Variants in KLHL1 observed in about 807,000 individuals in gnomAD.
The protein encoded by KLHL1 is kelch-like protein 1.
KLHL1 carries 47 observed loss-of-function variants against 77.7 expected under a neutral mutation model. That is an observed-to-expected ratio of 0.60 (90% confidence interval 0.48 to 0.77). The LOEUF (loss-of-function observed/expected upper bound fraction) is 0.77. KLHL1 is among the 30% of genes least tolerant of loss of function. KLHL1 has a pLI of 0.00. For missense variants in KLHL1, 925 were observed against 910.8 expected (o/e 1.02, Z -0.20); for synonymous variants, 360 against 325.2 (o/e 1.11, Z -1.15).
At chr13:69,836,489 C>T (rs904205533) in intron 6 of KLHL1, among the ~76,000 whole-genome samples, 2 of 151,990 alleles carry the variant, frequency 1.3e-5, no homozygotes, top group East Asian at 3.9e-4. Context: ...CAGGGCTCAC[C>T]AAGAATGAGT....
At chr13:70,054,573 T>C (rs1255108518) in intron 1 of KLHL1, among the ~76,000 whole-genome samples, 3 of 152,172 alleles carry the variant, frequency 2.0e-5, no homozygotes, top group African/African-American at 2.4e-5. Flanking sequence ...GGTTCACAAG[T>C]ATGAGTGACC....
At chr13:70,010,255 T>C (rs963866609) in intron 1 of KLHL1, among the ~76,000 whole-genome samples, 1 of 152,144 alleles carries the variant, frequency 6.6e-6, no homozygotes, top group Admixed American at 6.6e-5. Context: ...ACTAGTGTTA[T>C]GTATAGAATA....
chr13:70,070,960 T>A (rs1887124350), intron 1 of KLHL1, among the ~76,000 whole-genome samples: 1 of 151,708 alleles, frequency 6.6e-6, no homozygotes, highest in African/African-American at 2.4e-5. Flanking sequence ...TATAAAAATA[T>A]CAGTTAAAAT....
chr13:69,902,357 C>A (rs1216634526), intron 4 of KLHL1, among the ~76,000 whole-genome samples: 3 of 151,826 alleles, frequency 2.0e-5, no homozygotes, highest in African/African-American at 4.8e-5. Flanking sequence ...GGTTAATTAA[C>A]AAAATATAGA....
At chr13:69,896,243 T>C (rs1270668407) in intron 4 of KLHL1, among the ~76,000 whole-genome samples, 1 of 152,158 alleles carries the variant, frequency 6.6e-6, no homozygotes, top group Non-Finnish European at 1.5e-5. Context: ...TCTTCTCTCC[T>C]TTCTTATTCT....
chr13:69,983,412 AG>A (rs1487209457), intron 1 of KLHL1, among the ~76,000 whole-genome samples: 3 of 151,998 alleles, frequency 2.0e-5, no homozygotes, highest in Non-Finnish European at 4.4e-5. Context: ...TGAGTAAAAA[AG>A]TAAACTAGCT....
intron 6 of KLHL1, among the ~76,000 whole-genome samples, chr13:69,836,596 G>A (rs1879000164): frequency 1.3e-5 from 2 of 151,874 alleles, no homozygotes; most frequent in Admixed American, 1.3e-4. Flanking sequence ...TTTGGAAGAA[G>A]GCAATTTTCT....
At chr13:69,990,694 A>T (rs1238469835) in intron 1 of KLHL1, among the ~76,000 whole-genome samples, 1 of 152,014 alleles carries the variant, frequency 6.6e-6, no homozygotes, top group Non-Finnish European at 1.5e-5. Context: ...TTAGATTCAC[A>T]CATAGTAATG....
chr13:70,024,638 C>T (rs9599534), intron 1 of KLHL1, among the ~76,000 whole-genome samples: 944 of 76,788 alleles, frequency 0.012, 10 homozygotes, highest in South Asian at 0.029. Flanking sequence ...CTCTCTCTCT[C>T]TCTCTCTCTC....
chr13:70,095,233 C>T (rs899925044), intron 1 of KLHL1, among the ~76,000 whole-genome samples: 3 of 152,070 alleles, frequency 2.0e-5, no homozygotes, highest in African/African-American at 7.3e-5. Flanking sequence ...GAGGCTTTTG[C>T]ACCACTTCCA....
At chr13:69,937,263 C>T (rs1883215956) in intron 4 of KLHL1, among the ~76,000 whole-genome samples, 1 of 152,114 alleles carries the variant, frequency 6.6e-6, no homozygotes, top group Non-Finnish European at 1.5e-5. Context: ...TTAATTTGAA[C>T]AGAGAATTGC....
intron 1 of KLHL1, among the ~76,000 whole-genome samples, chr13:70,057,745 C>T (rs1394929996): frequency 8.0e-6 from 1 of 125,194 alleles, no homozygotes; most frequent in Non-Finnish European, 1.6e-5. Flanking sequence ...CACTGCAGTC[C>T]GCAGTCCGGC....
At chr13:69,868,188 C>A (rs1398779087) in intron 5 of KLHL1, among the ~76,000 whole-genome samples, 1 of 151,912 alleles carries the variant, frequency 6.6e-6, no homozygotes, top group Non-Finnish European at 1.5e-5. Flanking sequence ...CAAAATACAG[C>A]AGACATATAG....
intron 5 of KLHL1, among the ~76,000 whole-genome samples, chr13:69,871,145 A>C (rs556627200): frequency 1.3e-5 from 2 of 152,262 alleles, no homozygotes; most frequent in Admixed American, 1.3e-4. Flanking sequence ...TTGCAGACTT[A>C]ACAAGATATG....
chr13:70,051,351 C>T (rs1021833714), intron 1 of KLHL1, among the ~76,000 whole-genome samples: 24 of 152,074 alleles, frequency 1.6e-4, no homozygotes, highest in African/African-American at 5.8e-4. Context: ...ATGGTTACAT[C>T]TATTATTGAT....
chr13:70,060,139 T>C (rs1886842772), intron 1 of KLHL1, among the ~76,000 whole-genome samples: 1 of 152,286 alleles, frequency 6.6e-6, no homozygotes, highest in Admixed American at 6.5e-5. Flanking sequence ...CAGAAGAAGA[T>C]ATACAAATGG....
chr13:69,944,118 T>G (rs1468010579), intron 3 of KLHL1, among the ~76,000 whole-genome samples: 1 of 152,234 alleles, frequency 6.6e-6, no homozygotes, highest in Non-Finnish European at 1.5e-5. Flanking sequence ...CATCATTAAC[T>G]GATAAAATCG....
chr13:69,808,246 C>T (rs1877707124), intron 6 of KLHL1, among the ~76,000 whole-genome samples: 1 of 152,056 alleles, frequency 6.6e-6, no homozygotes, highest in Non-Finnish European at 1.5e-5. Context: ...AGCAGCTCTG[C>T]CATGACTACA....
At chr13:69,783,044 C>T (rs184937149) in intron 7 of KLHL1, among the ~76,000 whole-genome samples, 39 of 152,286 alleles carry the variant, frequency 2.6e-4, no homozygotes, top group East Asian at 1.9e-3. Flanking sequence ...TTCCAGCCAC[C>T]GCTGCTGATA....
Sources: gnomAD v4.1 joint callset for allele counts (sites outside exome capture counted in the v4.1 genomes callset) on GRCh38, gnomAD v4.1.1 for gene constraint, MANE v1.5 for transcripts, NCBI Gene and HGNC (gene_info 2026-07-23, HGNC 2026-07-21) for gene names.